PRMT8: variants seen among roughly 807,000 people sequenced by gnomAD.
The protein encoded by PRMT8 is protein arginine N-methyltransferase 8.
In PRMT8, 7 loss-of-function variants were observed where a neutral mutation model predicts 47.1. The ratio of observed to expected loss-of-function variants is 0.15; its 90% CI spans 0.08 to 0.28. The LOEUF (loss-of-function observed/expected upper bound fraction) is 0.28. Among genes scored for constraint, PRMT8 ranks in the 10% least tolerant of loss-of-function variants. The pLI is 1.00. For missense variants in PRMT8, 237 were observed against 505.4 expected (o/e 0.47, Z 5.09); for synonymous variants, 188 against 186.5 (o/e 1.01, Z -0.07).
chr12:3,442,799 C>T (rs938091572), intron 1 of PRMT8, among the ~76,000 whole-genome samples: 3 of 152,146 alleles, frequency 2.0e-5, no homozygotes, highest in East Asian at 1.9e-4. Context: ...GCTGGGACTA[C>T]AGGTGTGTGC....
rs551779821 is a variant in PRMT8, at chr12:3,453,103, G to A, written c.48+71661G>A. The stretch of plus-strand genomic sequence containing the variant: ...GAGGGATGCACAGAGGACACTGCAC[G>A]GGGAATCAGGTAGGCTGGAGAGGAG... On this transcript the variant is annotated intron_variant, in intron 1 of 9. Transcript: ENST00000452611. The surrounding 1 kb of genome is among the most constrained non-coding windows in gnomAD (Gnocchi z 4.9). 1.3e-5 allele frequency among the ~76,000 whole-genome samples: 2 copies of A among 152,150 alleles called. No homozygotes were observed. Among genetic ancestry groups the A allele is most frequent in the South Asian group, 2.1e-4 (1 of 4,830 alleles).
chr12:3,396,111 C>T (rs2137048071), intron 1 of PRMT8, among the ~76,000 whole-genome samples: 1 of 152,276 alleles, frequency 6.6e-6, no homozygotes, highest in Non-Finnish European at 1.5e-5. Flanking sequence ...TGTGTCTCTG[C>T]ATGTGAGATG....
intron 1 of PRMT8, among the ~76,000 whole-genome samples, chr12:3,403,243 C>T (rs1395355756): frequency 6.6e-6 from 1 of 152,094 alleles, no homozygotes; most frequent in African/African-American, 2.4e-5. Flanking sequence ...TGCATGTTCT[C>T]CCTTATAAGT....
At chr12:3,517,986 T>C (rs953987048) in intron 1 of PRMT8, among the ~76,000 whole-genome samples, 9 of 151,954 alleles carry the variant, frequency 5.9e-5, no homozygotes, top group East Asian at 3.9e-4. Context: ...CAAGAGGAGA[T>C]GGGTTATGCT....
intron 1 of PRMT8, among the ~76,000 whole-genome samples, chr12:3,396,975 G>A (rs916084054): frequency 0.014 from 2,080 of 151,340 alleles, 37 homozygotes; most frequent in African/African-American, 0.046. Flanking sequence ...ATCTTCCATC[G>A]CTGATACCCT....
In PRMT8 at chr12:3,534,037, G is replaced by C. The variant is rs957531821; in HGVS notation, c.76-6569G>C. 1.1e-4 allele frequency among the ~76,000 whole-genome samples: 16 copies of C among 152,366 alleles called. 1 individual carries two copies. Among genetic ancestry groups the C allele is most frequent in the East Asian group, 5.8e-4 (3 of 5,178 alleles). Reference sequence around the variant, plus strand: ...ACTGGGCAGAGGGGCTGGCACGAAGGTGGGCAAGGAGGGAAGAAGGTGAAG... The same window carrying C: ...ACTGGGCAGAGGGGCTGGCACGAAGCTGGGCAAGGAGGGAAGAAGGTGAAG... On this transcript the variant is annotated intron_variant, in intron 1 of 9. Transcript: ENST00000382622.
chr12:3,549,879 T>G, intron 2 of PRMT8, 57 bp from the exon 3 acceptor site: 1 of 1,593,542 alleles, frequency 6.3e-7, no homozygotes, highest in Admixed American at 1.7e-5. Context: ...ATAGCCATGG[T>G]GTACACCCAG....
chr12:3,441,328 CT>C (rs1048765473), intron 1 of PRMT8, among the ~76,000 whole-genome samples: 4 of 152,170 alleles, frequency 2.6e-5, no homozygotes, highest in Non-Finnish European at 5.9e-5. Flanking sequence ...AAACCAAGGT[CT>C]TTTCATTCTT....
intron 1 of PRMT8, among the ~76,000 whole-genome samples, chr12:3,417,306 C>T (rs1364150326): frequency 1.3e-5 from 2 of 152,178 alleles, no homozygotes; most frequent in East Asian, 3.8e-4. Flanking sequence ...GGAGAGAGAA[C>T]AAATCTTGCC....
chr12:3,507,108 G>A (rs546221145), intron 1 of PRMT8, among the ~76,000 whole-genome samples: 3 of 151,558 alleles, frequency 2.0e-5, no homozygotes, highest in Middle Eastern at 3.4e-3. Context: ...AAAGTAAAGC[G>A]GTGGCCTTTC....
At chr12:3,419,024 G>C (rs1190382695) in intron 1 of PRMT8, among the ~76,000 whole-genome samples, 1 of 152,230 alleles carries the variant, frequency 6.6e-6, no homozygotes, top group South Asian at 2.1e-4. Context: ...AAAGCCGTTG[G>C]GTTGCCCAGG....
chr12:3,424,527 A>G (rs759352672), intron 1 of PRMT8, among the ~76,000 whole-genome samples: 1 of 152,128 alleles, frequency 6.6e-6, no homozygotes, highest in Non-Finnish European at 1.5e-5. Context: ...ACAGGCATCA[A>G]ATTTCAAGAT....
intron 2 of PRMT8, among the ~76,000 whole-genome samples, chr12:3,543,338 C>G (rs1163080974): frequency 6.6e-6 from 1 of 152,196 alleles, no homozygotes; most frequent in African/African-American, 2.4e-5. Flanking sequence ...CACCATTCTT[C>G]GCAGAGAGAA....
rs1358933103 is a variant in PRMT8, at chr12:3,576,996, C to T, written c.828+10C>T. The T allele has an allele frequency of 2.5e-6, 4 of 1,610,612 alleles. No individual in the cohort carries two copies. Among genetic ancestry groups the T allele is most frequent in the Non-Finnish European group, 3.4e-6 (4 of 1,177,038 alleles). ...TGCCTGTTTGATAAAGGTCTGGACA[C>T]TCATCCGGGGTGGACCTGGGTGTGC... is the stretch of plus-strand genomic sequence containing the variant. On this transcript the variant is annotated intron_variant, in intron 7 of 9. Coordinates refer to ENST00000382622, the MANE Select transcript of PRMT8 (RefSeq NM_019854.5). This position sits in a 1 kb window ranked among gnomAD's most constrained non-coding sequence, Gnocchi z 4.0.
At chr12:3,497,254 G>A (rs1199836797) in intron 1 of PRMT8, among the ~76,000 whole-genome samples, 1 of 152,208 alleles carries the variant, frequency 6.6e-6, no homozygotes, top group Non-Finnish European at 1.5e-5. Context: ...TAACAAGATA[G>A]AGTGAGCACA....
chr12:3,541,753 G>T (rs1460405514), intron 2 of PRMT8, among the ~76,000 whole-genome samples: 5 of 152,240 alleles, frequency 3.3e-5, no homozygotes, highest in Non-Finnish European at 2.9e-5. Flanking sequence ...CAGCTCTTTT[G>T]TTTGTTTGTT....
Position 3,569,666 on chromosome 12 carries a change from G to T in PRMT8, c.712+102G>T. On this transcript the variant is annotated intron_variant, in intron 6 of 9. Transcript: ENST00000382622. The surrounding 1 kb of genome is among the most constrained non-coding windows in gnomAD (Gnocchi z 8.2). Reference sequence around the variant, plus strand: ...AGCAGGCAGTGACATGAACACCATTGCTGTCCCTGAAGAGGAGCTTATCTG... The same window carrying T: ...AGCAGGCAGTGACATGAACACCATTTCTGTCCCTGAAGAGGAGCTTATCTG... 1 of 933,792 alleles carries T rather than the reference G, an allele frequency of 1.1e-6. No individual in the cohort carries two copies. The highest frequency in any genetic ancestry group is 1.8e-6 in the Non-Finnish European group (1 of 565,976). 57.8% of individuals were successfully genotyped at this position (933,792 alleles called of 1,614,324 possible).
intron 4 of PRMT8, 72 bp from the exon 5 acceptor site, chr12:3,568,634 C>G: frequency 6.4e-7 from 1 of 1,570,820 alleles, no homozygotes. Context: ...GAGATCTGGC[C>G]CTGAAGTGAG....
intron 1 of PRMT8, among the ~76,000 whole-genome samples, chr12:3,413,775 TA>T (rs1864456829): frequency 6.6e-6 from 1 of 151,904 alleles, no homozygotes; most frequent in African/African-American, 2.4e-5. Context: ...AAAAAACCAA[TA>T]AAAAATAATG....
Sources: gnomAD v4.1 joint callset for allele counts (sites outside exome capture counted in the v4.1 genomes callset) on GRCh38, gnomAD v4.1.1 for gene constraint, Gnocchi (gnomAD v3.1) non-coding constraint, MANE v1.5 for transcripts, NCBI Gene and HGNC (gene_info 2026-07-23, HGNC 2026-07-21) for gene names.